CFAP47: variants seen among roughly 807,000 people sequenced by gnomAD.
CFAP47 encodes cilia- and flagella-associated protein 47.
A neutral mutation model predicts 148.1 loss-of-function variants in CFAP47; 29 were observed. The observed-to-expected ratio is 0.20, with a 90% CI of 0.15 to 0.27. The LOEUF is 0.27. Among genes scored for constraint, CFAP47 ranks in the 10% least tolerant of loss-of-function variants. The pLI is 1.00. For synonymous variants in CFAP47, 664 were observed against 577.3 expected (o/e 1.15, Z -2.15); for missense variants, 1,872 against 1,697.5 (o/e 1.10, Z -1.81).
intron 4 of CFAP47, among the ~76,000 whole-genome samples, chrX:35,950,806 T>C (rs1037943915): frequency 7.2e-5 from 8 of 111,858 alleles, no homozygotes; most frequent in African/African-American, 2.6e-4. Context: ...GAGGTAACCA[T>C]ACAAATCATT....
intron 30 of CFAP47, among the ~76,000 whole-genome samples, chrX:36,088,464 G>C (rs1938126467): frequency 2.7e-5 from 3 of 110,818 alleles, no homozygotes. Context: ...CAATAGGATG[G>C]ATGTCCTTTA....
intron 30 of CFAP47, among the ~76,000 whole-genome samples, chrX:36,092,096 G>A (rs1409867213): frequency 9.0e-6 from 1 of 110,982 alleles, no homozygotes; most frequent in Non-Finnish European, 1.9e-5. Flanking sequence ...ATTTGACAAT[G>A]AAAAAAGTAT....
chrX:36,248,369 GTA>G (rs1217394109), intron 48 of CFAP47, among the ~76,000 whole-genome samples: 3 of 103,103 alleles, frequency 2.9e-5, no homozygotes, highest in African/African-American at 6.9e-5. Context: ...TAATATGTGT[GTA>G]TATATATTAT....
intron 50 of CFAP47, among the ~76,000 whole-genome samples, chrX:36,285,052 A>T (rs1941118262): frequency 9.0e-6 from 1 of 111,519 alleles, no homozygotes; most frequent in South Asian, 3.7e-4. Context: ...CCTGCTTTTT[A>T]AAAATATTAG....
intron 27 of CFAP47, among the ~76,000 whole-genome samples, chrX:36,070,440 A>G (rs1431545715): frequency 2.8e-5 from 3 of 108,839 alleles, no homozygotes; most frequent in African/African-American, 6.7e-5. Context: ...ACAATGGACC[A>G]TATGGAGGAC....
chrX:36,031,934 A>G (rs1025468446), intron 23 of CFAP47, among the ~76,000 whole-genome samples: 5 of 110,764 alleles, frequency 4.5e-5, no homozygotes, highest in Non-Finnish European at 7.6e-5. Context: ...TTGAACCTTT[A>G]TAGCATTGAA....
intron 51 of CFAP47, among the ~76,000 whole-genome samples, chrX:36,294,737 AAAAT>A (rs1218886580): frequency 9.0e-6 from 1 of 111,255 alleles, no homozygotes; most frequent in African/African-American, 3.3e-5. Context: ...ATGAAAATAA[AAAAT>A]AAATAAATAT....
chrX:36,319,211 G>A lies in CFAP47; in HGVS notation c.8347G>A (p.Val2783Met). 5 of 1,066,562 alleles carry A rather than the reference G, an allele frequency of 4.7e-6. No individual in the cohort carries two copies. The highest frequency in any genetic ancestry group is 6.3e-6 in the Non-Finnish European group (5 of 795,505). The allele number at this position is 1,066,562 out of a possible 1,213,427, so 87.9% of individuals were successfully genotyped here. The change falls in exon 57 of 64, where the codon GTG becomes ATG. Residue 2783 changes from valine to methionine, a missense_variant and splice_region_variant. Transcript: ENST00000378653. ...DVLIDIILTS[V>M]EHPRNLVMDH... ...ATATCTCTTTATTTTTTAATTAGGTGTGGAACATCCCAGGAATCTTGTCAT... is the reference window on the plus strand; with the variant it reads ...ATATCTCTTTATTTTTTAATTAGGTATGGAACATCCCAGGAATCTTGTCAT...
At chrX:35,982,907 G>T (rs771407136) in intron 15 of CFAP47, among the ~76,000 whole-genome samples, 2 of 111,408 alleles carry the variant, frequency 1.8e-5, no homozygotes, top group Non-Finnish European at 3.8e-5. Flanking sequence ...CTCCAAGTTT[G>T]TTCTTTTTGG....
chrX:35,984,616 G>A (rs1936690014), intron 15 of CFAP47, among the ~76,000 whole-genome samples: 1 of 111,319 alleles, frequency 9.0e-6, no homozygotes, highest in African/African-American at 3.3e-5. Context: ...GCTTAATACT[G>A]TATTAGCTGT....
intron 45 of CFAP47, among the ~76,000 whole-genome samples, chrX:36,215,582 G>A (rs782078072): frequency 9.0e-6 from 1 of 111,150 alleles, no homozygotes; most frequent in Non-Finnish European, 1.9e-5. Context: ...ATTGGAGTAA[G>A]CACATAAAAA....
intron 26 of CFAP47, among the ~76,000 whole-genome samples, chrX:36,056,363 G>A (rs917860248): frequency 8.9e-6 from 1 of 111,882 alleles, no homozygotes; most frequent in Non-Finnish European, 1.9e-5. Flanking sequence ...ATTTATACTC[G>A]ATAGAATTTC....
At chrX:36,092,102 A>G (rs1476461426) in intron 30 of CFAP47, among the ~76,000 whole-genome samples, 1 of 111,587 alleles carries the variant, frequency 9.0e-6, no homozygotes, top group Non-Finnish European at 1.9e-5. Flanking sequence ...CAATGAAAAA[A>G]GTATATATAA....
intron 2 of CFAP47, among the ~76,000 whole-genome samples, chrX:35,938,426 TTAA>T (rs771420876): frequency 8.9e-6 from 1 of 111,772 alleles, no homozygotes; most frequent in East Asian, 2.8e-4. Context: ...ATGCATATTT[TTAA>T]TAATTCTTAT....
chrX:36,106,782 A>G (rs1024005925), intron 33 of CFAP47, among the ~76,000 whole-genome samples: 2 of 112,021 alleles, frequency 1.8e-5, no homozygotes, highest in African/African-American at 6.5e-5. Context: ...GTAAAACCAT[A>G]GAGACAGGAA....
chrX:36,384,632 C>T (rs1187091184), intron 63 of CFAP47, among the ~76,000 whole-genome samples, 165 bp from the exon 64 acceptor site: 1 of 111,945 alleles, frequency 8.9e-6, no homozygotes, highest in Non-Finnish European at 1.9e-5. Context: ...AAGTGAAATA[C>T]TTTCTTTATT....
At chrX:36,014,671 T>G in intron 21 of CFAP47, 103 bp from the exon 22 acceptor site, 1 of 273,311 alleles carries the variant, frequency 3.7e-6, no homozygotes, top group South Asian at 2.4e-4. Flanking sequence ...ATAATTTTAT[T>G]TTTTAAAACT....
chrX:36,306,869 G>A lies in CFAP47; in HGVS notation c.8180G>A (p.Cys2727Tyr). Residue 2727 changes from cysteine (C) to tyrosine (Y), a missense_variant, in exon 55 of 64, where the codon TGT becomes TAT. Coordinates refer to ENST00000378653, the MANE Select transcript of CFAP47 (RefSeq NM_001304548.2). ...CATCAAGCTTGCATCAACTTCTACT[G>A]TACTCAGGTATGATAGAGTATTCTT... ...ADHQACINFY[C>Y]TQFTEWKFYL... 2.8e-6 allele frequency: 3 copies of A among 1,085,625 alleles called. No homozygotes were observed. Among genetic ancestry groups the A allele is most frequent in the Non-Finnish European group, 3.7e-6 (3 of 808,500 alleles). The allele number at this position is 1,085,625 out of a possible 1,213,427, so 89.5% of individuals were successfully genotyped here.
At chrX:36,151,986 G>C (rs1569274365) in intron 37 of CFAP47, among the ~76,000 whole-genome samples, 1 of 110,915 alleles carries the variant, frequency 9.0e-6, no homozygotes, top group African/African-American at 3.3e-5. Flanking sequence ...GTAGGATCAA[G>C]GCAACTCTAT....
Sources: gnomAD v4.1 joint callset for allele counts (sites outside exome capture counted in the v4.1 genomes callset) on GRCh38, gnomAD v4.1.1 for gene constraint, MANE v1.5 for transcripts, NCBI Gene and HGNC (gene_info 2026-07-23, HGNC 2026-07-21) for gene names.